The following GNAQ variants were observed in gnomAD, a reference collection of about 807,000 sequenced individuals.
The protein encoded by GNAQ is guanine nucleotide-binding protein G(q) subunit alpha.
Under a neutral mutation model 43.9 loss-of-function variants are expected in GNAQ, and 8 were observed. The observed-to-expected ratio is 0.18, with a 90% CI of 0.11 to 0.33. The LOEUF (loss-of-function observed/expected upper bound fraction) is 0.33. Ranked by LOEUF, GNAQ falls within the 10% of genes least tolerant of loss-of-function variation. The pLI, the probability that GNAQ is intolerant of heterozygous loss-of-function variation, is 1.00. For missense variants in GNAQ, 158 were observed against 450.8 expected (o/e 0.35, Z 5.88); for synonymous variants, 155 against 170.7 (o/e 0.91, Z 0.71).
chr9:77,971,039 A>C (rs898006989), intron 1 of GNAQ, among the ~76,000 whole-genome samples: 2 of 152,226 alleles, frequency 1.3e-5, no homozygotes, highest in Non-Finnish European at 2.9e-5. Context: ...AGAAATGGAT[A>C]AATTCCTGGA....
At chr9:78,020,904 G>A (rs745495428) in intron 1 of GNAQ, among the ~76,000 whole-genome samples, 42 of 152,108 alleles carry the variant, frequency 2.8e-4, no homozygotes, top group Admixed American at 6.5e-4. Flanking sequence ...AGTGGGCCTA[G>A]GAATGCCAAC....
At chr9:77,729,075 T>C (rs1825444606) in intron 5 of GNAQ, among the ~76,000 whole-genome samples, 1 of 133,702 alleles carries the variant, frequency 7.5e-6, no homozygotes, top group South Asian at 2.6e-4. Flanking sequence ...AAGCTATATT[T>C]ATTTGGGGCC....
intron 1 of GNAQ, among the ~76,000 whole-genome samples, chr9:77,961,414 G>C (rs937518291): frequency 3.9e-5 from 6 of 152,146 alleles, no homozygotes; most frequent in African/African-American, 1.4e-4. Context: ...ATGCTGGAAA[G>C]GAAAGAGCTG....
chr9:77,958,045 C>T (rs76723614), intron 1 of GNAQ, among the ~76,000 whole-genome samples: 1,628 of 152,266 alleles, frequency 0.011, 21 homozygotes, highest in African/African-American at 0.036. Flanking sequence ...TTTATAAAGG[C>T]AATGTGGACA....
chr9:77,834,392 G>A (rs1827350140), intron 2 of GNAQ, among the ~76,000 whole-genome samples: 1 of 152,336 alleles, frequency 6.6e-6, no homozygotes, highest in Non-Finnish European at 1.5e-5. Flanking sequence ...TGAGTCTTGA[G>A]TAAATATGAT....
chr9:77,880,466 G>A (rs1039203663), intron 2 of GNAQ, among the ~76,000 whole-genome samples: 1 of 151,766 alleles, frequency 6.6e-6, no homozygotes, highest in Non-Finnish European at 1.5e-5. Context: ...CTTTAGCCTT[G>A]AACTCCTGGG....
intron 2 of GNAQ, among the ~76,000 whole-genome samples, chr9:77,892,422 G>T (rs1214919533): frequency 6.6e-6 from 1 of 152,156 alleles, no homozygotes; most frequent in Non-Finnish European, 1.5e-5. Context: ...CACTGTCTTG[G>T]ATTTCTCATA....
At chr9:77,851,888 G>A (rs1182860850) in intron 2 of GNAQ, among the ~76,000 whole-genome samples, 2 of 152,118 alleles carry the variant, frequency 1.3e-5, no homozygotes, top group African/African-American at 4.8e-5. Context: ...TTTTTTCAGA[G>A]GAAGGTTATT....
chr9:77,801,510 C>T (rs905345155), intron 3 of GNAQ, among the ~76,000 whole-genome samples: 2 of 152,166 alleles, frequency 1.3e-5, no homozygotes, highest in South Asian at 2.1e-4. Context: ...CCATTAAAGA[C>T]GCTTCATAAA....
intron 2 of GNAQ, among the ~76,000 whole-genome samples, chr9:77,896,937 A>C (rs773172050): frequency 3.9e-5 from 6 of 152,286 alleles, no homozygotes; most frequent in Non-Finnish European, 8.8e-5. Flanking sequence ...GACACATTGC[A>C]TGGGCAGCTG....
chr9:77,999,834 T>C (rs1823621540), intron 1 of GNAQ, among the ~76,000 whole-genome samples: 1 of 152,076 alleles, frequency 6.6e-6, no homozygotes, highest in Non-Finnish European at 1.5e-5. Flanking sequence ...TGGAGGCCAA[T>C]AAAAATGAGG....
intron 2 of GNAQ, among the ~76,000 whole-genome samples, chr9:77,839,049 G>T (rs1446295705): frequency 1.3e-5 from 2 of 151,968 alleles, no homozygotes; most frequent in Non-Finnish European, 2.9e-5. Context: ...ATACTGGCTG[G>T]GTTGGGAACT....
At chr9:77,753,310 C>T (rs564128145) in intron 5 of GNAQ, among the ~76,000 whole-genome samples, 1 of 152,260 alleles carries the variant, frequency 6.6e-6, no homozygotes, top group African/African-American at 2.4e-5. Flanking sequence ...CACCCCCACC[C>T]ACCCCCTGAA....
At chr9:77,945,805 C>T (rs546508607) in intron 1 of GNAQ, among the ~76,000 whole-genome samples, 2 of 152,216 alleles carry the variant, frequency 1.3e-5, no homozygotes, top group African/African-American at 4.8e-5. Context: ...AACTTTACAC[C>T]TCATCCAAGG....
At chr9:77,848,949 G>A (rs911510577) in intron 2 of GNAQ, among the ~76,000 whole-genome samples, 24 of 152,014 alleles carry the variant, frequency 1.6e-4, no homozygotes, top group African/African-American at 5.6e-4. Context: ...CATAATAAAG[G>A]AAAAAAGGAC....
intron 1 of GNAQ, among the ~76,000 whole-genome samples, chr9:77,935,781 T>G (rs1339103573): frequency 6.6e-6 from 1 of 152,162 alleles, no homozygotes; most frequent in Admixed American, 6.5e-5. Flanking sequence ...CCTCCAGTAT[T>G]CAATCCAGTG....
intron 5 of GNAQ, among the ~76,000 whole-genome samples, chr9:77,780,032 G>A (rs1360512568): frequency 1.3e-5 from 2 of 151,878 alleles, no homozygotes. Context: ...ATATTTATGG[G>A]TACATAGTAA....
intron 5 of GNAQ, among the ~76,000 whole-genome samples, chr9:77,729,596 A>G (rs1825454436): frequency 6.6e-6 from 1 of 152,126 alleles, no homozygotes; most frequent in Non-Finnish European, 1.5e-5. Context: ...ACCTCTCTAA[A>G]TCATTCCTAC....
intron 1 of GNAQ, among the ~76,000 whole-genome samples, chr9:77,929,746 A>C (rs7852315): frequency 0.74 from 112,260 of 152,040 alleles, 41,644 homozygotes; most frequent in South Asian, 0.78. Flanking sequence ...GGAAGAATCA[A>C]TTGAACCCAA....
Sources: gnomAD v4.1 joint callset for allele counts (sites outside exome capture counted in the v4.1 genomes callset) on GRCh38, gnomAD v4.1.1 for gene constraint, MANE v1.5 for transcripts, NCBI Gene and HGNC (gene_info 2026-07-23, HGNC 2026-07-21) for gene names.